E2F3: variants seen among roughly 807,000 people sequenced by gnomAD.
E2F3 encodes E2F transcription factor 3.
A neutral mutation model predicts 44.4 loss-of-function variants in E2F3; 11 were observed. The observed-to-expected ratio is 0.25, with a 90% CI of 0.16 to 0.41. The LOEUF (loss-of-function observed/expected upper bound fraction) is 0.41. E2F3 is among the 10% of genes least tolerant of loss of function. The pLI is 1.00. For missense variants in E2F3, 487 were observed against 583.6 expected (o/e 0.83, Z 1.70); for synonymous variants, 249 against 253.0 (o/e 0.98, Z 0.15).
chr6:20,419,507 G>T (rs1024806586), intron 1 of E2F3, among the ~76,000 whole-genome samples: 24 of 151,974 alleles, frequency 1.6e-4, no homozygotes, highest in Non-Finnish European at 5.9e-5. Flanking sequence ...TGCAGTTGCT[G>T]CTCATGCTAG....
chr6:20,433,335 G>T (rs1162386501), intron 1 of E2F3, among the ~76,000 whole-genome samples: 1 of 152,236 alleles, frequency 6.6e-6, no homozygotes, highest in Non-Finnish European at 1.5e-5. Context: ...AATTAGACCT[G>T]AAGGAGATTA....
chr6:20,423,262 A>G (rs1353441117), intron 1 of E2F3, among the ~76,000 whole-genome samples: 2 of 152,188 alleles, frequency 1.3e-5, no homozygotes, highest in African/African-American at 4.8e-5. Flanking sequence ...CCAAGGTTCT[A>G]TGGTCTAGCC....
At chr6:20,460,982 C>A in intron 1 of E2F3, among the ~76,000 whole-genome samples, 1 of 95,502 alleles carries the variant, frequency 1.0e-5, no homozygotes, top group Non-Finnish European at 1.8e-5. Context: ...GGAGACAGAG[C>A]AAGACTCTAT....
chr6:20,488,360 AG>A, intron 6 of E2F3, 112 bp downstream of exon 6: 2 of 1,264,998 alleles, frequency 1.6e-6, no homozygotes, highest in Admixed American at 5.9e-5. Context: ...TATTGGTATT[AG>A]GTAACATGTT....
chr6:20,412,567 G>T (rs942475071), intron 1 of E2F3, among the ~76,000 whole-genome samples: 10 of 150,726 alleles, frequency 6.6e-5, no homozygotes, highest in Non-Finnish European at 1.3e-4. Context: ...TGGCAAAACT[G>T]ATCTAGAATT....
Position 20,402,596 on chromosome 6 carries a change from GGCGGCA to G in E2F3, c.370_375del (p.Ser124_Gly125del), listed in dbSNP as rs1452010115. On this transcript the variant is annotated inframe_deletion, in exon 1 of 7. Coordinates refer to ENST00000346618, the MANE Select transcript of E2F3 (RefSeq NM_001949.5). This position sits in a 1 kb window ranked among gnomAD's most constrained non-coding sequence, Gnocchi z 5.6. The stretch of plus-strand genomic sequence containing the variant: ...GCAGCAGCCACCAGCGCTGGGACGC[GGCGGCA>G]GCGGCGGCGGCGGCGGCCCTCCGGT... The G allele has an allele frequency of 1.4e-5, 19 of 1,357,242 alleles. No homozygotes were observed. The African/African-American group carries it at 1.5e-4, about 11-fold the overall frequency. 84.1% of individuals were successfully genotyped at this position (1,357,242 alleles called of 1,614,324 possible).
At chr6:20,463,585 G>A (rs1461976389) in intron 1 of E2F3, among the ~76,000 whole-genome samples, 1 of 152,080 alleles carries the variant, frequency 6.6e-6, no homozygotes, top group East Asian at 1.9e-4. Flanking sequence ...TCCCTATTTT[G>A]CCTTGAGATT....
intron 3 of E2F3, among the ~76,000 whole-genome samples, chr6:20,482,389 C>G (rs1227233276): frequency 2.5e-5 from 3 of 117,698 alleles, no homozygotes; most frequent in Non-Finnish European, 5.4e-5. Context: ...CTCTGTCTTT[C>G]TCTATCTTTT....
At chr6:20,450,159 A>G (rs1309464557) in intron 1 of E2F3, among the ~76,000 whole-genome samples, 3 of 152,188 alleles carry the variant, frequency 2.0e-5, no homozygotes, top group Non-Finnish European at 2.9e-5. Context: ...GCTGGGTTGA[A>G]TGGTATTTCT....
intron 1 of E2F3, among the ~76,000 whole-genome samples, chr6:20,455,234 G>A (rs1761271643): frequency 6.6e-6 from 1 of 152,174 alleles, no homozygotes; most frequent in Non-Finnish European, 1.5e-5. Flanking sequence ...AACACATGTT[G>A]TAGTATGTGT....
In E2F3 at chr6:20,492,699, A is replaced by G. The variant is rs1223463477; in HGVS notation, c.*2269A>G. ...TAATGCCGTATTTATTGTTTTTAAA[A>G]TGAAAGGAATACTAATAAGTCTTAA... On this transcript the variant is annotated 3_prime_UTR_variant, in exon 7 of 7. Coordinates refer to ENST00000346618, the MANE Select transcript of E2F3 (RefSeq NM_001949.5). 8.6e-6 allele frequency: 2 copies of G among 231,544 alleles called. No homozygotes were observed. The highest frequency in any genetic ancestry group is 4.4e-5 in the African/African-American group (2 of 45,236). The allele number at this position is 231,544 out of a possible 1,614,324, so 14.3% of individuals were successfully genotyped here.
Position 20,479,964 on chromosome 6 carries a change from A to T in E2F3, c.505+7A>T. 6.3e-7 allele frequency: 1 copy of T among 1,597,032 alleles called. No individual in the cohort carries two copies. Among genetic ancestry groups the T allele is most frequent in the African/African-American group, 1.3e-5 (1 of 74,720 alleles). ...AGTCCAGATAGTCCAAAAAGTAAGG[A>T]TCTTTTCATCTCTTTCCTTATTCTC... On this transcript the variant is annotated splice_region_variant and intron_variant, in intron 2 of 6. Coordinates refer to ENST00000346618, the MANE Select transcript of E2F3 (RefSeq NM_001949.5).
chr6:20,403,630 C>A, intron 1 of E2F3: 1 of 485,126 alleles, frequency 2.1e-6, no homozygotes, highest in Non-Finnish European at 3.6e-6. Context: ...TCCTGCTCGC[C>A]GGCTCCCTGG....
intron 3 of E2F3, among the ~76,000 whole-genome samples, chr6:20,482,342 G>GTTTTTTT (rs71734781): frequency 7.7e-6 from 1 of 130,152 alleles, no homozygotes; most frequent in African/African-American, 2.8e-5. Context: ...TTGTTTTTTT[G>GTTTTTTT]TTTTTTTTTT....
chr6:20,429,600 A>G (rs1014036373), intron 1 of E2F3, among the ~76,000 whole-genome samples: 1 of 152,176 alleles, frequency 6.6e-6, no homozygotes, highest in Non-Finnish European at 1.5e-5. Flanking sequence ...GTCTAGGACC[A>G]TTTCTCAAAC....
chr6:20,413,621 T>C (rs957063266), intron 1 of E2F3, among the ~76,000 whole-genome samples: 1 of 152,198 alleles, frequency 6.6e-6, no homozygotes, highest in Non-Finnish European at 1.5e-5. Context: ...CAAAGTGGGC[T>C]TGGTGGCTAG....
intron 1 of E2F3, among the ~76,000 whole-genome samples, chr6:20,408,025 C>T (rs544504851): frequency 1.3e-5 from 2 of 152,182 alleles, no homozygotes; most frequent in Non-Finnish European, 2.9e-5. Context: ...CTTTGAGGTA[C>T]TAAGTACGTG....
At chr6:20,461,167 T>C (rs1227692750) in intron 1 of E2F3, among the ~76,000 whole-genome samples, 1 of 151,960 alleles carries the variant, frequency 6.6e-6, no homozygotes, top group African/African-American at 2.4e-5. Context: ...ATGCAAAAGA[T>C]AGAAAGAATA....
At chr6:20,450,832 A>G (rs546103344) in intron 1 of E2F3, among the ~76,000 whole-genome samples, 13 of 152,294 alleles carry the variant, frequency 8.5e-5, no homozygotes, top group African/African-American at 1.7e-4. Context: ...TCCACTTTCA[A>G]TCTTCTGCAT....
Sources: gnomAD v4.1 joint callset for allele counts (sites outside exome capture counted in the v4.1 genomes callset) on GRCh38, gnomAD v4.1.1 for gene constraint, Gnocchi (gnomAD v3.1) non-coding constraint, MANE v1.5 for transcripts, NCBI Gene and HGNC (gene_info 2026-07-23, HGNC 2026-07-21) for gene names.